The following GABRG3 variants were observed in gnomAD, a reference collection of about 807,000 sequenced individuals.
The protein encoded by GABRG3 is gamma-aminobutyric acid type A receptor subunit gamma3.
GABRG3 carries 25 observed loss-of-function variants against 48.8 expected under a neutral mutation model. That is an observed-to-expected ratio of 0.51 (90% CI 0.37 to 0.72). The LOEUF (loss-of-function observed/expected upper bound fraction) is 0.72, where lower values mean the gene tolerates loss of function less well. GABRG3 is among the 30% of genes least tolerant of loss of function. The probability of loss-of-function intolerance (pLI) is 0.00; values close to 1 mark genes in which losing one functional copy is unlikely to be tolerated. For synonymous variants in GABRG3, 227 were observed against 217.6 expected (o/e 1.04, Z -0.38); for missense variants, 394 against 577.9 (o/e 0.68, Z 3.26).
chr15:27,311,641 GA>G lies in GABRG3; in HGVS notation c.271-15158del, dbSNP rs919640224. On this transcript the variant is annotated intron_variant, in intron 3 of 9. Transcript: ENST00000615808. ...ATGTCAGTTTCTCCCTGGGGATAGGGAAAAAAAAAACAGTTAGACAGGGAAT... is the reference window on the plus strand; with the variant it reads ...ATGTCAGTTTCTCCCTGGGGATAGGGAAAAAAAAACAGTTAGACAGGGAAT... 4.1e-3 allele frequency among the ~76,000 whole-genome samples: 601 copies of G among 147,344 alleles called. 1 individual carries two copies. Among genetic ancestry groups the G allele is most frequent in the African/African-American group, 0.013 (530 of 40,180 alleles).
intron 2 of GABRG3, among the ~76,000 whole-genome samples, chr15:26,984,547 T>C (rs569715767): frequency 6.6e-6 from 1 of 152,224 alleles, no homozygotes; most frequent in Non-Finnish European, 1.5e-5. Context: ...ATATCTGTTT[T>C]AGTTCCCTTC....
intron 5 of GABRG3, among the ~76,000 whole-genome samples, chr15:27,403,219 A>T (rs1052124740): frequency 6.6e-6 from 1 of 152,158 alleles, no homozygotes; most frequent in Non-Finnish European, 1.5e-5. Flanking sequence ...CCAAAAAAAA[A>T]TGTTGAAAAG....
intron 5 of GABRG3, among the ~76,000 whole-genome samples, chr15:27,455,828 AGT>A (rs1254759787): frequency 5.2e-5 from 2 of 38,476 alleles, no homozygotes; most frequent in Non-Finnish European, 7.1e-5. Flanking sequence ...GTGGTTTGTG[AGT>A]GTGTGTGATG....
At chr15:27,298,236 G>A (rs1458976447) in intron 3 of GABRG3, among the ~76,000 whole-genome samples, 1 of 152,138 alleles carries the variant, frequency 6.6e-6, no homozygotes, top group Non-Finnish European at 1.5e-5. Context: ...TTAGATTCAG[G>A]AATCTAGGCT....
intron 3 of GABRG3, among the ~76,000 whole-genome samples, chr15:27,040,830 G>A (rs1896264244): frequency 6.6e-6 from 1 of 151,634 alleles, no homozygotes; most frequent in African/African-American, 2.4e-5. Flanking sequence ...CATTGGAAAG[G>A]AATTTACATG....
At chr15:27,102,526 CT>C (rs1405320537) in intron 3 of GABRG3, among the ~76,000 whole-genome samples, 1 of 152,130 alleles carries the variant, frequency 6.6e-6, no homozygotes, top group Admixed American at 6.5e-5. Context: ...TTTTGGCTCA[CT>C]GGGTGAGAGG....
intron 3 of GABRG3, among the ~76,000 whole-genome samples, chr15:27,111,191 C>T (rs1406896284): frequency 6.6e-6 from 1 of 152,112 alleles, no homozygotes; most frequent in Non-Finnish European, 1.5e-5. Flanking sequence ...ATGAACTTTT[C>T]AGAAGCATTC....
intron 2 of GABRG3, among the ~76,000 whole-genome samples, chr15:26,995,013 C>A (rs958307686): frequency 1.3e-5 from 2 of 151,978 alleles, no homozygotes; most frequent in Admixed American, 1.3e-4. Context: ...TCTTGTTGAT[C>A]TTCTGTCTAA....
intron 3 of GABRG3, among the ~76,000 whole-genome samples, chr15:27,211,779 A>G (rs892261585): frequency 6.6e-6 from 1 of 152,178 alleles, no homozygotes; most frequent in Non-Finnish European, 1.5e-5. Flanking sequence ...GCTTTTCTGC[A>G]GGACTTACTA....
intron 5 of GABRG3, among the ~76,000 whole-genome samples, chr15:27,390,641 A>G (rs185599444): frequency 1.5e-3 from 232 of 152,284 alleles, no homozygotes; most frequent in Middle Eastern, 6.8e-3. Context: ...TTGGTGTCCT[A>G]TGGTGAGTCT....
chr15:27,218,979 G>C (rs28535811), intron 3 of GABRG3, among the ~76,000 whole-genome samples: 9,498 of 152,166 alleles, frequency 0.062, 738 homozygotes, highest in African/African-American at 0.19. Context: ...CTCTCTCCCT[G>C]ATGACCCTGG....
intron 3 of GABRG3, among the ~76,000 whole-genome samples, chr15:27,280,997 A>G (rs761700517): frequency 4.6e-5 from 7 of 152,026 alleles, no homozygotes; most frequent in Non-Finnish European, 1.0e-4. Context: ...ATATATTTGA[A>G]TCTGTGCTGT....
At chr15:27,249,527 G>A (rs1013048913) in intron 3 of GABRG3, among the ~76,000 whole-genome samples, 1 of 152,146 alleles carries the variant, frequency 6.6e-6, no homozygotes, top group Non-Finnish European at 1.5e-5. Flanking sequence ...CCCCGGTTAC[G>A]ACATCTGCTT....
intron 3 of GABRG3, among the ~76,000 whole-genome samples, chr15:27,170,323 A>G (rs2140410183): frequency 6.6e-6 from 1 of 152,330 alleles, no homozygotes; most frequent in African/African-American, 2.4e-5. Context: ...CACATAGACC[A>G]TGTAATGTGC....
intron 2 of GABRG3, among the ~76,000 whole-genome samples, chr15:26,978,146 A>G (rs973606807): frequency 1.3e-5 from 2 of 152,068 alleles, no homozygotes; most frequent in Non-Finnish European, 2.9e-5. Flanking sequence ...TAGCCTTCTC[A>G]TTGAATTGTC....
chr15:27,362,159 AG>A (rs1175265105), intron 5 of GABRG3, among the ~76,000 whole-genome samples: 1 of 152,210 alleles, frequency 6.6e-6, no homozygotes, highest in Non-Finnish European at 1.5e-5. Flanking sequence ...GAATGCTTTC[AG>A]GAGCTCAAAT....
At chr15:27,462,523 G>T (rs1469242488) in intron 5 of GABRG3, among the ~76,000 whole-genome samples, 1 of 152,084 alleles carries the variant, frequency 6.6e-6, no homozygotes, top group Non-Finnish European at 1.5e-5. Flanking sequence ...TTATTTCAAG[G>T]CCCTAGTCTT....
At chr15:27,078,763 A>G (rs1459650439) in intron 3 of GABRG3, among the ~76,000 whole-genome samples, 1 of 152,178 alleles carries the variant, frequency 6.6e-6, no homozygotes, top group East Asian at 1.9e-4. Flanking sequence ...AGGGCTCAGT[A>G]AACATTGGCT....
At chr15:27,177,045 A>C (rs1250327757) in intron 3 of GABRG3, among the ~76,000 whole-genome samples, 1 of 152,132 alleles carries the variant, frequency 6.6e-6, no homozygotes, top group African/African-American at 2.4e-5. Context: ...TTTTATAATC[A>C]TTCTCCCCGA....
Sources: allele counts gnomAD v4.1 joint callset (sites outside exome capture counted in the v4.1 genomes callset), GRCh38; gene constraint gnomAD v4.1.1; transcripts MANE v1.5; gene names NCBI Gene and HGNC (gene_info 2026-07-23, HGNC 2026-07-21).